FTO: variants seen among roughly 807,000 people sequenced by gnomAD.
The protein encoded by FTO is alpha-ketoglutarate-dependent dioxygenase FTO.
A neutral mutation model predicts 63.9 loss-of-function variants in FTO; 47 were observed. The observed-to-expected ratio is 0.74, with a 90% confidence interval of 0.58 to 0.94. The LOEUF (loss-of-function observed/expected upper bound fraction) is 0.94, where lower values mean the gene tolerates loss of function less well. Among genes scored for constraint, FTO ranks in the 40% least tolerant of loss-of-function variants. The pLI is 0.00. For missense variants in FTO, 562 were observed against 618.1 expected, an observed-to-expected ratio of 0.91 and a Z score of 0.96; for synonymous variants, 207 against 224.4, an observed-to-expected ratio of 0.92 and a Z score of 0.69.
chr16:53,894,631 T>TG (rs1327627027), intron 7 of FTO, among the ~76,000 whole-genome samples: 33 of 58,250 alleles, frequency 5.7e-4, no homozygotes, highest in East Asian at 4.9e-3. Context: ...GTCACCAATT[T>TG]TTGTGTGTGT....
intron 6 of FTO, among the ~76,000 whole-genome samples, chr16:53,883,970 T>C (rs1250188589): frequency 2.6e-5 from 4 of 152,232 alleles, no homozygotes; most frequent in Non-Finnish European, 5.9e-5. Flanking sequence ...AAAGCCCACG[T>C]GTCTGTAAGA....
chr16:53,842,156 T>C (rs1002437357), intron 3 of FTO, among the ~76,000 whole-genome samples: 19 of 152,212 alleles, frequency 1.2e-4, no homozygotes, highest in African/African-American at 4.3e-4. Context: ...TCTGTGCCAG[T>C]CACTAGGGCT....
chr16:53,925,438 G>T (rs2082116594), intron 7 of FTO, among the ~76,000 whole-genome samples: 1 of 152,076 alleles, frequency 6.6e-6, no homozygotes, highest in South Asian at 2.1e-4. Context: ...GTGTTTAAAT[G>T]CCTTTTGAAA....
intron 8 of FTO, among the ~76,000 whole-genome samples, chr16:53,949,198 T>G (rs575843679): frequency 6.6e-6 from 1 of 152,326 alleles, no homozygotes; most frequent in African/African-American, 2.4e-5. Flanking sequence ...ACCCTTGAGC[T>G]CCTGCTTTAG....
intron 8 of FTO, chr16:53,992,921 C>T (rs999607045): frequency 6.6e-6 from 1 of 152,190 alleles, no homozygotes; most frequent in Non-Finnish European, 1.5e-5. Context: ...GTGATTTAGA[C>T]AAATCTCATC....
chr16:53,775,816 C>T (rs941821098), intron 1 of FTO, among the ~76,000 whole-genome samples: 13 of 152,146 alleles, frequency 8.5e-5, no homozygotes, highest in Non-Finnish European at 7.3e-5. Context: ...TTCCTTTGAT[C>T]ACTTAGGCAC....
chr16:54,046,147 T>A (rs1420673624), intron 8 of FTO, among the ~76,000 whole-genome samples: 3,011 of 94,538 alleles, frequency 0.032, 233 homozygotes, highest in South Asian at 0.084. Context: ...GGGTATTCAG[T>A]TAGGAAAAGA....
At chr16:53,846,321 C>T (rs2079619718) in intron 4 of FTO, among the ~76,000 whole-genome samples, 1 of 152,134 alleles carries the variant, frequency 6.6e-6, no homozygotes, top group African/African-American at 2.4e-5. Context: ...TGTAGGTAAA[C>T]ATTGTTTCAT....
chr16:54,121,042 T>C lies in FTO; in HGVS notation c.*9127T>C, dbSNP rs1239922851. The C allele has an allele frequency of 6.6e-6, 1 of 152,528 alleles. No homozygotes were observed. Among genetic ancestry groups the C allele is most frequent in the Non-Finnish European group, 1.5e-5 (1 of 68,028 alleles). The allele number at this position is 152,528 out of a possible 1,614,324, so 9.4% of individuals were successfully genotyped here. A position where few individuals can be genotyped will look rare whatever the true frequency, so the allele number is the denominator to read the frequency against. On this transcript the variant is annotated 3_prime_UTR_variant, in exon 9 of 9. Transcript: ENST00000471389. ...ATAGCCCACAGCCAAATCTGGCCCA[T>C]CCCCTGTTCTTATAAAGTTTTATTG...
At chr16:54,051,450 G>A (rs1021443708) in intron 8 of FTO, among the ~76,000 whole-genome samples, 4 of 152,264 alleles carry the variant, frequency 2.6e-5, no homozygotes, top group African/African-American at 7.2e-5. Context: ...GGAGGTTCAG[G>A]ACAGTTGTCC....
chr16:53,737,995 C>T (rs2076429349), intron 1 of FTO, among the ~76,000 whole-genome samples: 1 of 150,660 alleles, frequency 6.6e-6, no homozygotes, highest in Non-Finnish European at 1.5e-5. Flanking sequence ...GCTCTGTCAC[C>T]CAGGTTAGAA....
chr16:54,006,115 A>G (rs960722116), intron 8 of FTO, among the ~76,000 whole-genome samples: 5 of 152,222 alleles, frequency 3.3e-5, no homozygotes, highest in African/African-American at 1.2e-4. Flanking sequence ...GTAGCTGAAC[A>G]TGATTTCAAA....
chr16:53,858,468 A>C (rs542204172), intron 4 of FTO, among the ~76,000 whole-genome samples: 1 of 152,120 alleles, frequency 6.6e-6, no homozygotes, highest in East Asian at 1.9e-4. Flanking sequence ...CCAAAATAAA[A>C]TTTTTCCATG....
chr16:54,072,262 T>C (rs1185740279), intron 8 of FTO: 1 of 152,224 alleles, frequency 6.6e-6, no homozygotes, highest in East Asian at 1.9e-4. Flanking sequence ...AAATCTTTCC[T>C]ATTGATTCAT....
intron 6 of FTO, among the ~76,000 whole-genome samples, chr16:53,884,266 C>T (rs2080938450): frequency 6.6e-6 from 1 of 152,132 alleles, no homozygotes; most frequent in African/African-American, 2.4e-5. Flanking sequence ...TATTAAATGG[C>T]CCACTTTCCT....
chr16:54,054,014 G>A (rs531905344), intron 8 of FTO, among the ~76,000 whole-genome samples: 82 of 151,892 alleles, frequency 5.4e-4, no homozygotes, highest in Non-Finnish European at 6.5e-4. Flanking sequence ...TCCTGGTGTC[G>A]GTTTTTTTTT....
chr16:53,732,041 ATTTTTT>A lies in FTO; in HGVS notation c.45+27832_45+27837del, dbSNP rs375814669. Among the ~76,000 whole-genome samples, 46 of 98,608 alleles carry A rather than the reference ATTTTTT, an allele frequency of 4.7e-4. 1 individual carries two copies. Among genetic ancestry groups the A allele is most frequent in the Non-Finnish European group, 1.9e-5 (1 of 53,852 alleles). 64.7% of individuals were successfully genotyped at this position (98,608 alleles called of 152,430 possible). A position where few individuals can be genotyped will look rare whatever the true frequency, so the allele number is the denominator to read the frequency against. ...GCGCCCCAGCCCTCATTGTGGCCTT[ATTTTTT>A]TTTTTTTTTTTTTTTTTTTGAGACG... On this transcript the variant is annotated intron_variant, in intron 1 of 8. Coordinates refer to ENST00000471389, the MANE Select transcript of FTO (RefSeq NM_001080432.3).
At chr16:53,837,476 T>C (rs967917485) in intron 3 of FTO, among the ~76,000 whole-genome samples, 2 of 152,230 alleles carry the variant, frequency 1.3e-5, no homozygotes, top group South Asian at 2.1e-4. Context: ...AGCGGCTTCT[T>C]GTTATAGATT....
chr16:53,747,152 G>A (rs1030378457), intron 1 of FTO, among the ~76,000 whole-genome samples: 3 of 152,192 alleles, frequency 2.0e-5, no homozygotes, highest in African/African-American at 7.2e-5. Flanking sequence ...AGTGCATAGT[G>A]CTGCAGTGAA....
Sources: gnomAD v4.1 joint callset for allele counts (sites outside exome capture counted in the v4.1 genomes callset) on GRCh38, gnomAD v4.1.1 for gene constraint, MANE v1.5 for transcripts, NCBI Gene and HGNC (gene_info 2026-07-23, HGNC 2026-07-21) for gene names.